The following ARMCX4 variants were observed in gnomAD, a reference collection of about 807,000 sequenced individuals.
ARMCX4 encodes the protein armadillo repeat containing X-linked 4.
Under a neutral mutation model 34.7 loss-of-function variants are expected in ARMCX4, and 3 were observed. The ratio of observed to expected loss-of-function variants is 0.09; its 90% confidence interval spans 0.04 to 0.22. The LOEUF is 0.22. Ranked by LOEUF, ARMCX4 falls within the 10% of genes least tolerant of loss-of-function variation. ARMCX4 has a pLI of 1.00. For synonymous variants in ARMCX4, 513 were observed against 632.8 expected, an observed-to-expected ratio of 0.81 and a Z score of 2.84; for missense variants, 1,448 against 1,720.8, an observed-to-expected ratio of 0.84 and a Z score of 2.81.
chrX:101,433,142 ACT>A (rs1930354943), intron 2 of ARMCX4, among the ~76,000 whole-genome samples: 1 of 107,961 alleles, frequency 9.3e-6, no homozygotes, highest in Non-Finnish European at 1.9e-5. Context: ...TTGTATATAT[ACT>A]CACATATACA....
chrX:101,508,346 A>G (rs1934504090), intron 8 of ARMCX4, among the ~76,000 whole-genome samples: 1 of 112,284 alleles, frequency 8.9e-6, no homozygotes, highest in African/African-American at 3.2e-5. Flanking sequence ...TGCAGGCTAG[A>G]ATTCCAAGAT....
At chrX:101,449,849 C>T (rs1273654942), downstream of ARMCX4, among the ~76,000 whole-genome samples, 1 of 111,124 alleles carries the variant, frequency 9.0e-6, no homozygotes, top group Admixed American at 9.7e-5. Flanking sequence ...TTGTACCTAT[C>T]TTTCTTGGGA....
Position 101,489,271 on chromosome X carries a change from A to G in ARMCX4, c.682A>G (p.Thr228Ala), listed in dbSNP as rs1399905323. ...EVAKMGATNK[T>A]GIVDETKTRA... ...GGCCAAGATGGGGGCCACGAACAAG[A>G]CTGGAATTGTGGATGAAACCAAGAC... is the stretch of plus-strand genomic sequence containing the variant. The change falls in exon 6 of 6, where the codon ACT becomes GCT. Residue 228 changes from threonine (T) to alanine (A), a missense_variant. By Grantham distance (58) the Thr-to-Ala change is moderately conservative (BLOSUM62 0). Around this residue, in one of 2 missense-constraint regions of ARMCX4, gnomAD observed 1,343 missense variants for 1,540.7 expected, o/e 0.87. Coordinates refer to ENST00000423738, the MANE Select transcript of ARMCX4 (RefSeq NM_001256155.3). 1 of 1,154,300 alleles carries G rather than the reference A, an allele frequency of 8.7e-7. No individual in the cohort carries two copies. The highest frequency in any genetic ancestry group is 1.8e-5 in the African/African-American group (1 of 55,808).
chrX:101,442,104 G>T (rs782792344), intron 2 of ARMCX4, among the ~76,000 whole-genome samples: 1 of 112,478 alleles, frequency 8.9e-6, no homozygotes, highest in African/African-American at 3.2e-5. Flanking sequence ...TGTAAGCATG[G>T]TATATCTTCT....
At chrX:101,419,561 G>C (rs1929111196) in intron 2 of ARMCX4, among the ~76,000 whole-genome samples, 2 of 112,042 alleles carry the variant, frequency 1.8e-5, no homozygotes, top group African/African-American at 6.5e-5. Context: ...AAGACATAAA[G>C]ATAAAGAAAC....
At chrX:101,443,768 A>G (rs1337628331) in intron 2 of ARMCX4, 3 of 314,813 alleles carry the variant, frequency 9.5e-6, no homozygotes, top group South Asian at 3.3e-5. Context: ...CACGATATTC[A>G]TGCCCTGTTT....
In ARMCX4 at chrX:101,493,745, G is replaced by A. The variant is rs1556010515; in HGVS notation, c.5156G>A (p.Gly1719Glu). Residue 1719 changes from glycine (G) to glutamate (E), a missense_variant, in exon 6 of 6, where the codon GGA becomes GAA. This residue lies in a region of ARMCX4 where 1,343 missense variants were observed against 1,540.7 expected (regional missense o/e 0.87). Coordinates refer to ENST00000423738, the MANE Select transcript of ARMCX4 (RefSeq NM_001256155.3). ...GCTAGATCTGAGGACCAGGCCAGTGGAAGGTTCCAGGTCAGTTTTGAGGTG... is the reference window on the plus strand; with the variant it reads ...GCTAGATCTGAGGACCAGGCCAGTGAAAGGTTCCAGGTCAGTTTTGAGGTG... Reference protein sequence around the residue: ...SWARSEDQASGRFQVSFEVEA... With the variant: ...SWARSEDQASERFQVSFEVEA... 8.7e-7 allele frequency: 1 copy of A among 1,154,651 alleles called. No homozygotes were observed. The highest frequency in any genetic ancestry group is 1.1e-6 in the Non-Finnish European group (1 of 872,674).
intron 2 of ARMCX4, among the ~76,000 whole-genome samples, chrX:101,434,389 G>A (rs1196992294): frequency 9.1e-6 from 1 of 109,647 alleles, no homozygotes; most frequent in African/African-American, 3.3e-5. Context: ...CTGGGATTAG[G>A]GGCATGTGCC....
rs186879547 is a variant in ARMCX4, at chrX:101,515,730, T to G, written c.*1780+4675T>G. ...ATTTTTTTGGTATTTTTAGTAGAGA[T>G]GGGGTTTTGCTATGTTGGTCAATCT... On this transcript the variant is annotated intron_variant and NMD_transcript_variant, in intron 11 of 12. Transcript: ENST00000354842. 4.5e-3 allele frequency among the ~76,000 whole-genome samples: 484 copies of G among 106,651 alleles called. 1 individual carries two copies. Among genetic ancestry groups the G allele is most frequent in the African/African-American group, 0.016 (463 of 29,256 alleles). The allele number at this position is 106,651 out of a possible 115,157, so 92.6% of individuals were successfully genotyped here. A position where few individuals can be genotyped will look rare whatever the true frequency, so the allele number is the denominator to read the frequency against.
chrX:101,421,991 G>GTTATTATTATTA (rs200537627), intron 2 of ARMCX4, among the ~76,000 whole-genome samples: 1,052 of 96,370 alleles, frequency 0.011, 12 homozygotes, highest in African/African-American at 0.035. Context: ...TGGGGGATCA[G>GTTATTATTATTA]TTATTATTAT....
chrX:101,532,149 C>T (rs1434830298), intron 12 of ARMCX4: 2 of 111,718 alleles, frequency 1.8e-5, no homozygotes, highest in South Asian at 3.7e-4. Flanking sequence ...GAGTACTGTA[C>T]GACAAGATTG....
downstream of ARMCX4, among the ~76,000 whole-genome samples, chrX:101,496,834 G>T (rs782736083): frequency 9.0e-6 from 1 of 111,586 alleles, no homozygotes; most frequent in East Asian, 2.8e-4. Flanking sequence ...TGGAATATAT[G>T]CATATCCTTT....
At chrX:101,445,402 CT>C (rs1555997785) in intron 3 of ARMCX4, among the ~76,000 whole-genome samples, 1 of 111,622 alleles carries the variant, frequency 9.0e-6, no homozygotes, top group African/African-American at 3.3e-5. Context: ...TTCCACAATG[CT>C]TTAGCATGCT....
At chrX:101,429,080 G>C (rs782381027) in intron 2 of ARMCX4, among the ~76,000 whole-genome samples, 2 of 108,787 alleles carry the variant, frequency 1.8e-5, no homozygotes, top group South Asian at 7.9e-4. Context: ...GACTGGTCTC[G>C]AACTCCTGGG....
chrX:101,443,782 C>G (rs1931458732), intron 2 of ARMCX4: 2 of 323,753 alleles, frequency 6.2e-6, no homozygotes, highest in Admixed American at 6.5e-5. Flanking sequence ...CCTGTTTCCC[C>G]TTGCCAAAGA....
chrX:101,440,013 C>G (rs185362904), intron 2 of ARMCX4, among the ~76,000 whole-genome samples: 1 of 112,255 alleles, frequency 8.9e-6, no homozygotes, highest in African/African-American at 3.2e-5. Context: ...TGTTCCATTG[C>G]TGGTGAGGAG....
chrX:101,532,872 A>C (rs1331674394), intron 12 of ARMCX4: 2 of 111,548 alleles, frequency 1.8e-5, no homozygotes, highest in Non-Finnish European at 3.8e-5. Flanking sequence ...CAGGTGGGCG[A>C]ATATGATTGA....
upstream of ARMCX4, among the ~76,000 whole-genome samples, chrX:101,481,200 T>C (rs182745521): frequency 1.2e-4 from 13 of 112,580 alleles, no homozygotes; most frequent in Middle Eastern, 4.6e-3. Context: ...CGGTCCCCAA[T>C]TTATGACAAT....
intron 11 of ARMCX4, among the ~76,000 whole-genome samples, chrX:101,526,532 G>A (rs1483089614): frequency 2.9e-4 from 32 of 111,906 alleles, no homozygotes; most frequent in Non-Finnish European, 4.9e-4. Context: ...AAAAGACACA[G>A]ACTGGCAAAT....
Sources: gnomAD v4.1 joint callset for allele counts (sites outside exome capture counted in the v4.1 genomes callset) on GRCh38, gnomAD v4.1.1 for gene constraint, gnomAD v4.1.1 regional missense constraint, MANE v1.5 for transcripts, NCBI Gene and HGNC (gene_info 2026-07-23, HGNC 2026-07-21) for gene names.